Variants in ANO3 observed in about 807,000 individuals in gnomAD.
The protein encoded by ANO3 is anoctamin 3.
A neutral mutation model predicts 144.8 loss-of-function variants in ANO3; 99 were observed. The observed-to-expected ratio is 0.68, with a 90% CI of 0.58 to 0.81. The LOEUF (loss-of-function observed/expected upper bound fraction) is 0.81, where lower values mean the gene tolerates loss of function less well. Ranked by LOEUF, ANO3 falls within the 30% of genes least tolerant of loss-of-function variation. The probability of loss-of-function intolerance (pLI) is 0.00; values close to 1 mark genes in which losing one functional copy is unlikely to be tolerated. For missense variants in ANO3, 905 were observed against 1,202.2 expected, an observed-to-expected ratio of 0.75 and a Z score of 3.66; for synonymous variants, 414 against 392.6, an observed-to-expected ratio of 1.05 and a Z score of -0.64.
intron 1 of ANO3, among the ~76,000 whole-genome samples, chr11:26,373,728 A>G (rs1856327057): frequency 6.6e-6 from 1 of 152,192 alleles, no homozygotes; most frequent in South Asian, 2.1e-4. Flanking sequence ...ACACAAAGAC[A>G]CAAACACGTT....
chr11:26,440,676 G>A (rs552429222), intron 1 of ANO3, among the ~76,000 whole-genome samples: 2 of 152,302 alleles, frequency 1.3e-5, no homozygotes, highest in East Asian at 3.9e-4. Flanking sequence ...GGCTGCAAGA[G>A]AAGCAGTGTC....
chr11:26,431,639 G>A (rs11029556), intron 1 of ANO3, among the ~76,000 whole-genome samples: 49,869 of 152,042 alleles, frequency 0.33, 9,516 homozygotes, highest in African/African-American at 0.54. Flanking sequence ...CACTTATGAG[G>A]ACAAGTGATG....
At chr11:26,615,762 T>C (rs1305928936) in intron 17 of ANO3, among the ~76,000 whole-genome samples, 1 of 152,198 alleles carries the variant, frequency 6.6e-6, no homozygotes, top group African/African-American at 2.4e-5. Flanking sequence ...ATTTTCTGCA[T>C]CTTTAAGTTT....
At chr11:26,297,524 G>C (rs1303984815) in intron 1 of ANO3, among the ~76,000 whole-genome samples, 1 of 152,070 alleles carries the variant, frequency 6.6e-6, no homozygotes, top group African/African-American at 2.4e-5. Flanking sequence ...CAGATTTACT[G>C]GTGCCCTTTT....
At chr11:26,497,062 C>A (rs293952) in intron 4 of ANO3, among the ~76,000 whole-genome samples, 130,325 of 149,388 alleles carry the variant, frequency 0.87, 57,185 homozygotes, top group East Asian at 0.97. Context: ...TTTTCTCTCT[C>A]TATATATATA....
chr11:26,543,460 T>TC (rs1849696193), intron 11 of ANO3, among the ~76,000 whole-genome samples: 1 of 73,766 alleles, frequency 1.4e-5, no homozygotes, highest in African/African-American at 4.0e-5. Flanking sequence ...GCTTTTAATT[T>TC]CTTTTTTTTT....
chr11:26,190,319 T>A (rs1346171975), intron 1 of ANO3, among the ~76,000 whole-genome samples: 1 of 152,156 alleles, frequency 6.6e-6, no homozygotes, highest in East Asian at 1.9e-4. Flanking sequence ...TAGATTATTA[T>A]GTATTATATG....
intron 1 of ANO3, among the ~76,000 whole-genome samples, chr11:26,355,863 G>A (rs1431520126): frequency 6.6e-6 from 1 of 152,014 alleles, no homozygotes; most frequent in Non-Finnish European, 1.5e-5. Flanking sequence ...CCAAGCCCCC[G>A]CCGAAAATTC....
intron 1 of ANO3, among the ~76,000 whole-genome samples, chr11:26,292,688 T>C (rs1331987512): frequency 6.6e-6 from 1 of 152,210 alleles, no homozygotes; most frequent in Non-Finnish European, 1.5e-5. Flanking sequence ...TGCAGGTCTG[T>C]TGGAGTTTGC....
At chr11:26,199,684 G>T (rs1851655310) in intron 1 of ANO3, among the ~76,000 whole-genome samples, 1 of 152,152 alleles carries the variant, frequency 6.6e-6, no homozygotes, top group South Asian at 2.1e-4. Context: ...AATGCCCATG[G>T]ATTTTTATCT....
intron 1 of ANO3, among the ~76,000 whole-genome samples, chr11:26,273,409 T>C (rs182366184): frequency 2.6e-5 from 4 of 151,978 alleles, no homozygotes; most frequent in Admixed American, 1.3e-4. Context: ...ATGGAAAGAA[T>C]TGTCAATGCC....
chr11:26,318,245 C>T (rs1426731194), intron 1 of ANO3, among the ~76,000 whole-genome samples: 1 of 152,158 alleles, frequency 6.6e-6, no homozygotes, highest in Non-Finnish European at 1.5e-5. Flanking sequence ...TACCCCAGAA[C>T]TTAAAGTATA....
intron 9 of ANO3, among the ~76,000 whole-genome samples, chr11:26,536,035 A>T (rs943788863): frequency 7.9e-5 from 12 of 151,830 alleles, no homozygotes; most frequent in African/African-American, 2.9e-4. Flanking sequence ...GGAACTAAAA[A>T]TAAGCTGGGT....
intron 3 of ANO3, among the ~76,000 whole-genome samples, chr11:26,457,334 G>GGA: frequency 6.9e-6 from 1 of 145,340 alleles, no homozygotes; most frequent in East Asian, 2.0e-4. Context: ...TTTTGACTCT[G>GGA]AAAAAAAAAA....
chr11:26,473,416 G>A (rs1859850592), intron 4 of ANO3, among the ~76,000 whole-genome samples: 1 of 152,006 alleles, frequency 6.6e-6, no homozygotes, highest in East Asian at 1.9e-4. Context: ...ATTATGTGCA[G>A]CTCAGAGACA....
At chr11:26,565,852 C>T (rs754388269) in intron 14 of ANO3, 1 of 1,611,034 alleles carries the variant, frequency 6.2e-7, no homozygotes, top group East Asian at 2.2e-5. Context: ...TTGGCTAAGG[C>T]CAACATTGTA....
chr11:26,193,990 C>G (rs1390588983), intron 1 of ANO3, among the ~76,000 whole-genome samples: 1 of 152,124 alleles, frequency 6.6e-6, no homozygotes, highest in Non-Finnish European at 1.5e-5. Flanking sequence ...TCTGACTCCT[C>G]ATATATATTA....
chr11:26,230,228 T>C (rs1388707688), intron 1 of ANO3, among the ~76,000 whole-genome samples: 1 of 152,038 alleles, frequency 6.6e-6, no homozygotes, highest in Non-Finnish European at 1.5e-5. Context: ...GGTGAGGAAA[T>C]GGACATGAAA....
intron 1 of ANO3, among the ~76,000 whole-genome samples, chr11:26,366,540 C>A (rs1395707466): frequency 1.3e-5 from 2 of 152,092 alleles, no homozygotes; most frequent in Non-Finnish European, 2.9e-5. Context: ...TTCTAGATCC[C>A]TGAGGAATCG....
Sources: gnomAD v4.1 joint callset for allele counts (sites outside exome capture counted in the v4.1 genomes callset) on GRCh38, gnomAD v4.1.1 for gene constraint, MANE v1.5 for transcripts, NCBI Gene and HGNC (gene_info 2026-07-23, HGNC 2026-07-21) for gene names.